TSHZ1: variants seen among roughly 807,000 people sequenced by gnomAD.
The protein encoded by TSHZ1 is teashirt homolog 1.
TSHZ1 carries 12 observed loss-of-function variants against 67.1 expected under a neutral mutation model. The observed-to-expected ratio is 0.18, with a 90% CI of 0.11 to 0.29. The LOEUF (loss-of-function observed/expected upper bound fraction) is 0.29. Ranked by LOEUF, TSHZ1 falls within the 10% of genes least tolerant of loss-of-function variation. The probability of loss-of-function intolerance (pLI) is 1.00; values close to 1 mark genes in which losing one functional copy is unlikely to be tolerated. For synonymous variants in TSHZ1, 632 were observed against 622.4 expected (o/e 1.02, Z -0.23); for missense variants, 1,305 against 1,413.9 (o/e 0.92, Z 1.23).
rs1428908827 is a variant in TSHZ1, at chr18:75,281,881, G to C, written c.41-3567G>C. Among the ~76,000 whole-genome samples, 1 of 152,012 alleles carries C rather than the reference G, an allele frequency of 6.6e-6. No homozygotes were observed. The highest frequency in any genetic ancestry group is 1.9e-4 in the East Asian group (1 of 5,176). On this transcript the variant is annotated intron_variant, in intron 1 of 1. Transcript: ENST00000580243. This position sits in a 1 kb window ranked among gnomAD's most constrained non-coding sequence, Gnocchi z 5.3. ...CCCAGCCTTCACCCTGGTCCACACG[G>C]GGCTCCCTGCCTTCCAAAAGTGTCC...
intron 1 of TSHZ1, among the ~76,000 whole-genome samples, chr18:75,238,970 T>C (rs2023118884): frequency 1.3e-5 from 2 of 152,256 alleles, no homozygotes; most frequent in Non-Finnish European, 2.9e-5. Flanking sequence ...CCTCACGCAC[T>C]GTCCAGCTTC....
intron 1 of TSHZ1, among the ~76,000 whole-genome samples, chr18:75,214,543 T>C (rs1356302063): frequency 2.6e-5 from 4 of 152,244 alleles, no homozygotes; most frequent in Non-Finnish European, 5.9e-5. Context: ...AGCTGCATGT[T>C]GGCCTGCCTC....
Position 75,285,920 on chromosome 18 carries a change from C to T in TSHZ1, c.513C>T (p.Thr171=). The T allele has an allele frequency of 6.5e-7, 1 of 1,544,922 alleles. No homozygotes were observed. The highest frequency in any genetic ancestry group is 1.2e-5 in the South Asian group (1 of 83,954). The change falls in exon 2 of 2, where the codon ACC becomes ACT. Residue 171 remains threonine, a synonymous_variant. Transcript: ENST00000580243. Reference sequence around the variant, plus strand: ...GCCCCGTCAGCACCACTGGCCCCACCACGAGCACGCCCAGCACCAGCTGCA... The same window carrying T: ...GCCCCGTCAGCACCACTGGCCCCACTACGAGCACGCCCAGCACCAGCTGCA... ...PTCPVSTTGP[T]TSTPSTSCSS...
At chr18:75,240,103 T>G (rs1318962535) in intron 1 of TSHZ1, among the ~76,000 whole-genome samples, 1 of 152,236 alleles carries the variant, frequency 6.6e-6, no homozygotes, top group African/African-American at 2.4e-5. Context: ...ATTATGAACT[T>G]TTGACCTTAG....
intron 1 of TSHZ1, among the ~76,000 whole-genome samples, chr18:75,272,594 T>C (rs764681124): frequency 3.3e-5 from 5 of 152,216 alleles, no homozygotes; most frequent in Admixed American, 6.5e-5. Flanking sequence ...AGAAGAGCCA[T>C]TTCACTTGGC....
chr18:75,248,775 T>C (rs942822067), intron 1 of TSHZ1, among the ~76,000 whole-genome samples: 1 of 152,270 alleles, frequency 6.6e-6, no homozygotes, highest in Non-Finnish European at 1.5e-5. Flanking sequence ...ATCATGTGTT[T>C]GCCTGTGCGT....
At chr18:75,233,336 A>C (rs1045592931) in intron 1 of TSHZ1, among the ~76,000 whole-genome samples, 5 of 152,340 alleles carry the variant, frequency 3.3e-5, no homozygotes, top group African/African-American at 1.2e-4. Flanking sequence ...ATTATGGCAC[A>C]CTTTACTTAG....
intron 1 of TSHZ1, among the ~76,000 whole-genome samples, chr18:75,236,941 G>A (rs201022946): frequency 7.2e-5 from 11 of 152,276 alleles, no homozygotes; most frequent in South Asian, 4.2e-4. Flanking sequence ...CAAACCATCC[G>A]TAAGTTGTTA....
chr18:75,212,053 A>G, intron 1 of TSHZ1, 137 bp downstream of exon 1: 1 of 588,138 alleles, frequency 1.7e-6, no homozygotes, highest in Non-Finnish European at 2.3e-6. Flanking sequence ...TGCGCTGGCC[A>G]CAGTCGTCTG....
chr18:75,278,024 C>G (rs1393908354), intron 1 of TSHZ1, among the ~76,000 whole-genome samples: 1 of 152,080 alleles, frequency 6.6e-6, no homozygotes, highest in African/African-American at 2.4e-5. Flanking sequence ...CCATCTCTCT[C>G]TCCTTCTGCC....
intron 1 of TSHZ1, among the ~76,000 whole-genome samples, chr18:75,277,178 C>T (rs968220698): frequency 6.6e-6 from 1 of 151,430 alleles, no homozygotes; most frequent in South Asian, 2.1e-4. Context: ...TGTCGGAGCA[C>T]CATCTACACA....
At chr18:75,249,361 C>A (rs997859495) in intron 1 of TSHZ1, among the ~76,000 whole-genome samples, 4 of 151,824 alleles carry the variant, frequency 2.6e-5, no homozygotes, top group Admixed American at 6.6e-5. Flanking sequence ...CGGGTGGGGG[C>A]AGCTGGCCTT....
At chr18:75,237,351 A>C (rs1365995373) in intron 1 of TSHZ1, among the ~76,000 whole-genome samples, 2 of 152,128 alleles carry the variant, frequency 1.3e-5, no homozygotes, top group African/African-American at 4.8e-5. Flanking sequence ...GCGAAACCCC[A>C]TATCTACAAA....
At chr18:75,276,986 C>T (rs1200584024) in intron 1 of TSHZ1, among the ~76,000 whole-genome samples, 1 of 152,236 alleles carries the variant, frequency 6.6e-6, no homozygotes. Context: ...TCCGTCAGGC[C>T]TCCAAAGAGC....
chr18:75,231,159 G>A (rs952863950), intron 1 of TSHZ1, among the ~76,000 whole-genome samples: 12 of 152,200 alleles, frequency 7.9e-5, no homozygotes, highest in African/African-American at 2.4e-4. Context: ...CACACGAGGC[G>A]CTGTAGGTGC....
intron 1 of TSHZ1, among the ~76,000 whole-genome samples, chr18:75,254,559 C>T (rs113709863): frequency 5.6e-4 from 85 of 152,144 alleles, no homozygotes; most frequent in African/African-American, 1.9e-3. Context: ...CTGATATTCA[C>T]GAGTATCTTC....
chr18:75,251,228 A>G (rs1220777053), intron 1 of TSHZ1, among the ~76,000 whole-genome samples: 2 of 152,210 alleles, frequency 1.3e-5, no homozygotes, highest in South Asian at 2.1e-4. Flanking sequence ...TTAATATTAT[A>G]TGGAAAAATT....
At chr18:75,261,152 C>G (rs1211376691) in intron 1 of TSHZ1, among the ~76,000 whole-genome samples, 3 of 151,886 alleles carry the variant, frequency 2.0e-5, no homozygotes, top group African/African-American at 7.2e-5. Context: ...ACAAACAACT[C>G]TAAGGACTAC....
At chr18:75,250,525 G>C (rs571304567) in intron 1 of TSHZ1, among the ~76,000 whole-genome samples, 187 of 152,306 alleles carry the variant, frequency 1.2e-3, no homozygotes, top group African/African-American at 4.3e-3. Flanking sequence ...GGCTGGCCCA[G>C]GGTCCGGGGT....
Sources: allele counts gnomAD v4.1 joint callset (sites outside exome capture counted in the v4.1 genomes callset), GRCh38; gene constraint gnomAD v4.1.1; non-coding constraint Gnocchi (gnomAD v3.1); transcripts MANE v1.5; gene names NCBI Gene and HGNC (gene_info 2026-07-23, HGNC 2026-07-21).